The following PTPRG variants were observed in gnomAD, a reference collection of about 807,000 sequenced individuals.
PTPRG encodes the protein receptor-type tyrosine-protein phosphatase gamma.
PTPRG carries 102 observed loss-of-function variants against 165.3 expected under a neutral mutation model. The ratio of observed to expected loss-of-function variants is 0.62; its 90% CI spans 0.53 to 0.73. The LOEUF is 0.73. PTPRG is among the 30% of genes least tolerant of loss of function. The pLI, the probability that PTPRG is intolerant of heterozygous loss-of-function variation, is 0.00. For missense variants in PTPRG, 1,866 were observed against 1,861.4 expected, an observed-to-expected ratio of 1.00 and a Z score of -0.05; for synonymous variants, 675 against 669.5, an observed-to-expected ratio of 1.01 and a Z score of -0.13.
At position 62,027,040 on chromosome 3, in the gene PTPRG, T is replaced by C. The variant is rs182065289; in HGVS notation, c.519+23543T>C. Among the ~76,000 whole-genome samples, 8 of 152,214 alleles carry C rather than the reference T, an allele frequency of 5.3e-5. No homozygotes were observed. In the East Asian group the frequency reaches 1.5e-3, roughly 29 times the overall value. ...TCCTATTGTTGTTACTACTACTGAG[T>C]CAAATCATTTAGAGTCAGTATAGAT... On this transcript the variant is annotated intron_variant, in intron 4 of 29. Coordinates refer to ENST00000474889, the MANE Select transcript of PTPRG (RefSeq NM_002841.4).
At chr3:62,000,287 A>C (rs1409460334) in intron 3 of PTPRG, among the ~76,000 whole-genome samples, 1 of 151,792 alleles carries the variant, frequency 6.6e-6, no homozygotes, top group Non-Finnish European at 1.5e-5. Context: ...TCTCCAAAAA[A>C]AAAAAAAAAA....
chr3:61,621,051 A>ATATATGTGTGTG, intron 1 of PTPRG, among the ~76,000 whole-genome samples: 1,534 of 117,926 alleles, frequency 0.013, 40 homozygotes, highest in African/African-American at 0.043. Context: ...ATATATATAT[A>ATATATGTGTGTG]TGTGTGTGTG....
At chr3:61,616,629 T>C (rs1258824268) in intron 1 of PTPRG, among the ~76,000 whole-genome samples, 1 of 152,190 alleles carries the variant, frequency 6.6e-6, no homozygotes, top group African/African-American at 2.4e-5. Flanking sequence ...TCTCACTTGG[T>C]TACCCCTTCT....
chr3:61,738,187 C>T (rs977732645), intron 1 of PTPRG, among the ~76,000 whole-genome samples: 44 of 148,180 alleles, frequency 3.0e-4, no homozygotes, highest in Admixed American at 2.8e-3. Context: ...CATGAGCCAC[C>T]GCGCCCGGCC....
chr3:62,209,123 A>AGACTAACTTTCCAT (rs1272174415), intron 12 of PTPRG, among the ~76,000 whole-genome samples: 2 of 152,242 alleles, frequency 1.3e-5, no homozygotes, highest in Non-Finnish European at 2.9e-5. Context: ...TTTTAAAAAG[A>AGACTAACTTTCCAT]GACTAACTTT....
chr3:62,015,515 T>A (rs1456028467), intron 4 of PTPRG, among the ~76,000 whole-genome samples: 8 of 151,948 alleles, frequency 5.3e-5, no homozygotes, highest in South Asian at 4.2e-4. Context: ...ACAAAAAAAA[T>A]TTTTTTTTAC....
chr3:62,268,559 T>C (rs1162673918), intron 19 of PTPRG, among the ~76,000 whole-genome samples: 1 of 152,098 alleles, frequency 6.6e-6, no homozygotes, highest in Non-Finnish European at 1.5e-5. Context: ...CTGCTCAAAA[T>C]CACCACTGCT....
intron 3 of PTPRG, among the ~76,000 whole-genome samples, chr3:61,995,110 A>T (rs2040995635): frequency 1.2e-5 from 1 of 85,162 alleles, no homozygotes; most frequent in Non-Finnish European, 2.0e-5. Context: ...TTTTTTTGAG[A>T]CAGAGTCTTG....
intron 1 of PTPRG, among the ~76,000 whole-genome samples, chr3:61,625,993 T>C (rs1274005562): frequency 1.3e-5 from 2 of 148,900 alleles, no homozygotes; most frequent in African/African-American, 5.0e-5. Flanking sequence ...AACTTTCCTG[T>C]CCCAACAGGG....
chr3:61,932,739 T>C (rs1421309250), intron 2 of PTPRG, among the ~76,000 whole-genome samples: 2 of 151,886 alleles, frequency 1.3e-5, no homozygotes, highest in African/African-American at 4.9e-5. Context: ...TCAAAACTTG[T>C]AACCACCACC....
At chr3:61,770,522 T>C (rs1333663828) in intron 2 of PTPRG, 1 of 152,202 alleles carries the variant, frequency 6.6e-6, no homozygotes, top group Non-Finnish European at 1.5e-5. Context: ...AGTGTATATA[T>C]ATTTGTGTGG....
intron 11 of PTPRG, among the ~76,000 whole-genome samples, chr3:62,202,644 C>A (rs1007832037): frequency 1.3e-5 from 2 of 152,232 alleles, no homozygotes; most frequent in Non-Finnish European, 2.9e-5. Flanking sequence ...CCTGTCATTG[C>A]AGACCTGGGC....
intron 13 of PTPRG, among the ~76,000 whole-genome samples, chr3:62,220,959 C>G (rs1272214788): frequency 2.0e-5 from 3 of 152,152 alleles, no homozygotes; most frequent in African/African-American, 7.2e-5. Flanking sequence ...CCTCTACCCA[C>G]CCCTAAATGG....
chr3:62,033,363 T>A (rs1309474497), intron 4 of PTPRG, among the ~76,000 whole-genome samples: 1 of 43,136 alleles, frequency 2.3e-5, no homozygotes, highest in African/African-American at 1.8e-4. Flanking sequence ...CCCTATACAT[T>A]TTTTTTTTTT....
chr3:61,809,638 T>C (rs1304515652), intron 2 of PTPRG, among the ~76,000 whole-genome samples: 2 of 152,196 alleles, frequency 1.3e-5, no homozygotes, highest in Non-Finnish European at 2.9e-5. Context: ...CTATATGTCA[T>C]GTACCTAGCA....
chr3:61,629,690 T>C (rs948772339), intron 1 of PTPRG, among the ~76,000 whole-genome samples: 1 of 152,214 alleles, frequency 6.6e-6, no homozygotes, highest in African/African-American at 2.4e-5. Context: ...CTAAACCTTG[T>C]AACTGATATT....
At chr3:61,634,363 C>G (rs903403875) in intron 1 of PTPRG, among the ~76,000 whole-genome samples, 3 of 151,958 alleles carry the variant, frequency 2.0e-5, no homozygotes, top group Non-Finnish European at 4.4e-5. Context: ...CTCAGCCTCC[C>G]AAGTAGCTGG....
chr3:62,101,475 G>A (rs1446795909), intron 5 of PTPRG, among the ~76,000 whole-genome samples: 2 of 152,164 alleles, frequency 1.3e-5, no homozygotes, highest in Non-Finnish European at 2.9e-5. Flanking sequence ...AATCAGTTTT[G>A]ATATGTTTAA....
intron 2 of PTPRG, among the ~76,000 whole-genome samples, chr3:61,779,974 T>C (rs2034497411): frequency 6.6e-6 from 1 of 152,164 alleles, no homozygotes; most frequent in Admixed American, 6.6e-5. Flanking sequence ...CTCTATTGTT[T>C]CCTGGGTCAC....
Sources: allele counts gnomAD v4.1 joint callset (sites outside exome capture counted in the v4.1 genomes callset), GRCh38; gene constraint gnomAD v4.1.1; transcripts MANE v1.5; gene names NCBI Gene and HGNC (gene_info 2026-07-23, HGNC 2026-07-21).